Variants in RCSD1 observed in about 807,000 individuals in gnomAD.
RCSD1 encodes the protein capZ-interacting protein.
In RCSD1, 26 loss-of-function variants were observed where a neutral mutation model predicts 42.5. The ratio of observed to expected loss-of-function variants is 0.61; its 90% CI spans 0.45 to 0.85. The LOEUF (loss-of-function observed/expected upper bound fraction) is 0.85, where lower values mean the gene tolerates loss of function less well. Among genes scored for constraint, RCSD1 ranks in the 40% least tolerant of loss-of-function variants. RCSD1 has a pLI of 0.00. For synonymous variants in RCSD1, 220 were observed against 212.2 expected (o/e 1.04, Z -0.32); for missense variants, 571 against 528.3 (o/e 1.08, Z -0.79).
Position 167,697,354 on chromosome 1 carries a change from A to C in RCSD1, c.730A>C (p.Ser244Arg). ...AAAGCCTCCTCTGAGGAGGTCACCCAGCAGGACAGAGAAGCAGGAGGAGGA... is the reference window on the plus strand; with the variant it reads ...AAAGCCTCCTCTGAGGAGGTCACCCCGCAGGACAGAGAAGCAGGAGGAGGA... ...AEKPPLRRSP[S>R]RTEKQEEDRA... The change falls in exon 6 of 7, where the codon AGC becomes CGC. Residue 244 changes from serine to arginine, a missense_variant. Transcript: ENST00000367854. 2 of 1,614,094 alleles carry C rather than the reference A, an allele frequency of 1.2e-6. No homozygotes were observed. The highest frequency in any genetic ancestry group is 1.7e-6 in the Non-Finnish European group (2 of 1,179,972).
Position 167,644,508 on chromosome 1 carries a change from C to A in RCSD1, c.6+14079C>A, listed in dbSNP as rs534668937. Reference sequence around the variant, plus strand: ...AAATAAATACATACATACATACATACATACATACATACATACATACATACA... The same window carrying A: ...AAATAAATACATACATACATACATAAATACATACATACATACATACATACA... On this transcript the variant is annotated intron_variant, in intron 1 of 6. Coordinates refer to ENST00000367854, the MANE Select transcript of RCSD1 (RefSeq NM_052862.4). Among the ~76,000 whole-genome samples the A allele has an allele frequency of 2.9e-3, 436 of 151,374 alleles. 2 individuals are homozygous for A. Among genetic ancestry groups the A allele is most frequent in the South Asian group, 0.013 (62 of 4,768 alleles).
intron 6 of RCSD1, among the ~76,000 whole-genome samples, chr1:167,700,498 A>C (rs981960866): frequency 6.6e-6 from 1 of 151,928 alleles, no homozygotes; most frequent in African/African-American, 2.4e-5. Context: ...AATACAAAAA[A>C]AAATTAGCCA....
At chr1:167,654,312 G>T (rs1320574569) in intron 1 of RCSD1, among the ~76,000 whole-genome samples, 1 of 152,188 alleles carries the variant, frequency 6.6e-6, no homozygotes, top group Non-Finnish European at 1.5e-5. Flanking sequence ...TTGGGTGGCT[G>T]CACCATTACC....
intron 6 of RCSD1, 74 bp downstream of exon 6, chr1:167,697,916 C>A: frequency 7.4e-7 from 1 of 1,359,950 alleles, no homozygotes; most frequent in Non-Finnish European, 9.5e-7. Context: ...ATGTCCTGTT[C>A]CGTACAGTCC....
intron 1 of RCSD1, among the ~76,000 whole-genome samples, chr1:167,642,196 C>T (rs1658023233): frequency 6.6e-6 from 1 of 152,168 alleles, no homozygotes; most frequent in Non-Finnish European, 1.5e-5. Flanking sequence ...GCTAGAAGTA[C>T]TTCACAAACA....
chr1:167,679,019 C>T (rs1352832438), intron 1 of RCSD1, among the ~76,000 whole-genome samples: 2 of 152,196 alleles, frequency 1.3e-5, no homozygotes, highest in Non-Finnish European at 2.9e-5. Flanking sequence ...TCGCTGTGTA[C>T]CTGTTTATTG....
intron 1 of RCSD1, among the ~76,000 whole-genome samples, chr1:167,669,193 GA>G (rs1241007125): frequency 1.3e-5 from 2 of 152,234 alleles, no homozygotes; most frequent in Non-Finnish European, 2.9e-5. Flanking sequence ...GGGCTATCTA[GA>G]ATTTTCAAGG....
chr1:167,688,414 G>A (rs779232170), intron 3 of RCSD1, among the ~76,000 whole-genome samples: 1 of 152,072 alleles, frequency 6.6e-6, no homozygotes, highest in Non-Finnish European at 1.5e-5. Flanking sequence ...CTTCCATTGG[G>A]GCTGGAAGCT....
intron 1 of RCSD1, among the ~76,000 whole-genome samples, chr1:167,677,488 T>C (rs1658980528): frequency 6.6e-6 from 1 of 152,240 alleles, no homozygotes; most frequent in Non-Finnish European, 1.5e-5. Context: ...CCAAAGATGA[T>C]GTTGAAGCCT....
intron 1 of RCSD1, among the ~76,000 whole-genome samples, chr1:167,658,180 G>GC (rs991480317): frequency 6.6e-6 from 1 of 152,126 alleles, no homozygotes; most frequent in African/African-American, 2.4e-5. Flanking sequence ...CACCAGATCA[G>GC]CCCCCCTCCC....
intron 1 of RCSD1, among the ~76,000 whole-genome samples, chr1:167,651,150 C>T (rs886666694): frequency 1.3e-5 from 2 of 152,102 alleles, no homozygotes; most frequent in African/African-American, 4.8e-5. Flanking sequence ...CTGTGAAGAC[C>T]CTACCTCCAA....
intron 6 of RCSD1, among the ~76,000 whole-genome samples, chr1:167,703,751 A>G (rs1255772254): frequency 6.6e-6 from 1 of 152,128 alleles, no homozygotes; most frequent in Non-Finnish European, 1.5e-5. Flanking sequence ...CCGGGGCTCC[A>G]GCCAGCCTGC....
At chr1:167,691,627 T>C (rs1659379593) in intron 4 of RCSD1, among the ~76,000 whole-genome samples, 2 of 152,150 alleles carry the variant, frequency 1.3e-5, no homozygotes, top group Non-Finnish European at 2.9e-5. Flanking sequence ...ATCAGAGGTG[T>C]CAAGACGAAT....
intron 1 of RCSD1, among the ~76,000 whole-genome samples, chr1:167,650,618 C>CCAGCCA (rs1449021236): frequency 1.3e-5 from 2 of 152,234 alleles, no homozygotes; most frequent in African/African-American, 4.8e-5. Context: ...GATCTCTGTT[C>CCAGCCA]CAGCCACAGC....
At chr1:167,695,075 C>CAA (rs112979220) in intron 5 of RCSD1, among the ~76,000 whole-genome samples, 8 of 148,354 alleles carry the variant, frequency 5.4e-5, no homozygotes, top group Non-Finnish European at 9.0e-5. Context: ...GTCCAGCTAG[C>CAA]AAAAAAAAAA....
chr1:167,667,632 G>T (rs768116282), intron 1 of RCSD1, among the ~76,000 whole-genome samples: 1 of 152,214 alleles, frequency 6.6e-6, no homozygotes, highest in Non-Finnish European at 1.5e-5. Flanking sequence ...AGGAGGCTCA[G>T]ATTGTTAAGT....
At chr1:167,652,630 C>T (rs1257688334) in intron 1 of RCSD1, among the ~76,000 whole-genome samples, 1 of 152,050 alleles carries the variant, frequency 6.6e-6, no homozygotes, top group Non-Finnish European at 1.5e-5. Flanking sequence ...ACCTTTTTTG[C>T]CCATCGAATG....
At chr1:167,677,750 C>T (rs1225649335) in intron 1 of RCSD1, among the ~76,000 whole-genome samples, 2 of 152,186 alleles carry the variant, frequency 1.3e-5, no homozygotes, top group Admixed American at 6.5e-5. Flanking sequence ...AGGAGACTGA[C>T]TTAGAGTTCT....
At chr1:167,643,257 C>T (rs1041843949) in intron 1 of RCSD1, among the ~76,000 whole-genome samples, 2 of 152,144 alleles carry the variant, frequency 1.3e-5, no homozygotes, top group South Asian at 4.1e-4. Flanking sequence ...AGCGTGTCTT[C>T]TGTAAGAAAG....
Sources: allele counts gnomAD v4.1 joint callset (sites outside exome capture counted in the v4.1 genomes callset), GRCh38; gene constraint gnomAD v4.1.1; transcripts MANE v1.5; gene names NCBI Gene and HGNC (gene_info 2026-07-23, HGNC 2026-07-21).